Variants in CALN1 observed in about 807,000 individuals in gnomAD.
CALN1 encodes calcium-binding protein 8.
In CALN1, 17 loss-of-function variants were observed where a neutral mutation model predicts 30.6. The observed-to-expected ratio is 0.56, with a 90% CI of 0.38 to 0.83. The LOEUF (loss-of-function observed/expected upper bound fraction) is 0.83, where lower values mean the gene tolerates loss of function less well. Among genes scored for constraint, CALN1 ranks in the 40% least tolerant of loss-of-function variants. CALN1 has a pLI of 0.00. For missense variants in CALN1, 291 were observed against 354.9 expected (o/e 0.82, Z 1.45); for synonymous variants, 156 against 131.4 (o/e 1.19, Z -1.28).
At chr7:72,036,784 T>C (rs897799408) in intron 4 of CALN1, among the ~76,000 whole-genome samples, 3 of 152,140 alleles carry the variant, frequency 2.0e-5, no homozygotes, top group African/African-American at 7.2e-5. Context: ...TATCAGGTCT[T>C]TTTCAGGAAC....
At chr7:72,148,091 T>TAAAAA (rs1042994402) in intron 3 of CALN1, among the ~76,000 whole-genome samples, 1 of 58,796 alleles carries the variant, frequency 1.7e-5, no homozygotes, top group Non-Finnish European at 3.3e-5. Flanking sequence ...TAAAGTATAA[T>TAAAAA]AAAAAAAAAT....
intron 2 of CALN1, among the ~76,000 whole-genome samples, chr7:72,366,835 A>AC (rs989875946): frequency 1.2e-4 from 19 of 152,024 alleles, no homozygotes; most frequent in African/African-American, 4.6e-4. Flanking sequence ...CCAACAAAAA[A>AC]AAAGGTGTTG....
At chr7:72,357,547 A>G (rs911605295) in intron 2 of CALN1, among the ~76,000 whole-genome samples, 4 of 151,900 alleles carry the variant, frequency 2.6e-5, no homozygotes, top group African/African-American at 9.7e-5. Flanking sequence ...TGATCTTACC[A>G]TGAGCATCAT....
chr7:72,284,825 A>G (rs2129554451), intron 2 of CALN1, among the ~76,000 whole-genome samples: 1 of 151,888 alleles, frequency 6.6e-6, no homozygotes, highest in African/African-American at 2.4e-5. Flanking sequence ...GATTAAGGAT[A>G]GATAGATAGA....
intron 3 of CALN1, among the ~76,000 whole-genome samples, chr7:72,248,970 T>G (rs1269980352): frequency 2.0e-5 from 3 of 152,136 alleles, no homozygotes; most frequent in Non-Finnish European, 4.4e-5. Context: ...TTAAAAGAAG[T>G]ATTTTTAATC....
chr7:72,021,396 C>A (rs1309788794), intron 5 of CALN1, among the ~76,000 whole-genome samples: 2 of 152,154 alleles, frequency 1.3e-5, no homozygotes, highest in African/African-American at 4.8e-5. Context: ...GAGTGGACCT[C>A]CATGGGTCAA....
chr7:72,121,542 C>T (rs527346359), intron 3 of CALN1, among the ~76,000 whole-genome samples: 1 of 148,278 alleles, frequency 6.7e-6, no homozygotes, highest in Non-Finnish European at 1.5e-5. Context: ...TCAGCTTCCT[C>T]CTGGACTCTG....
At chr7:72,317,953 T>C (rs1032553660) in intron 2 of CALN1, among the ~76,000 whole-genome samples, 5 of 152,194 alleles carry the variant, frequency 3.3e-5, no homozygotes, top group Admixed American at 6.5e-5. Flanking sequence ...TATTTCACTC[T>C]GTGCAATAGA....
chr7:72,327,776 A>G (rs1237372675), intron 2 of CALN1, among the ~76,000 whole-genome samples: 1 of 152,226 alleles, frequency 6.6e-6, no homozygotes, highest in Non-Finnish European at 1.5e-5. Context: ...CATAAGTATA[A>G]ATTATGCTTT....
At chr7:72,079,766 T>TC (rs1234404482) in intron 4 of CALN1, among the ~76,000 whole-genome samples, 7 of 52,712 alleles carry the variant, frequency 1.3e-4, no homozygotes, top group African/African-American at 4.1e-4. Flanking sequence ...TTTTCCTTTT[T>TC]TTTTTTTTTT....
chr7:71,884,644 A>T (rs1792790669), intron 5 of CALN1, among the ~76,000 whole-genome samples: 1 of 152,098 alleles, frequency 6.6e-6, no homozygotes, highest in Admixed American at 6.5e-5. Flanking sequence ...GGGTCTGGGG[A>T]TTCATGCCCT....
chr7:72,247,012 C>G (rs887766455), intron 3 of CALN1, among the ~76,000 whole-genome samples: 1 of 152,016 alleles, frequency 6.6e-6, no homozygotes, highest in African/African-American at 2.4e-5. Flanking sequence ...CCTCGGCCTC[C>G]CGAAGTGCTG....
intron 3 of CALN1, among the ~76,000 whole-genome samples, chr7:72,160,390 T>C (rs1788017970): frequency 6.6e-6 from 1 of 151,966 alleles, no homozygotes; most frequent in African/African-American, 2.4e-5. Flanking sequence ...GCGATGCCCC[T>C]GCCTCAGCCA....
rs187510439 is a variant in CALN1, at chr7:72,205,279, C to T, written c.244+73407G>A. ...GTGCAGTAGTGTGATCTCAGCTCAC[C>T]GCAACCTCCGCCTCCCAGGCTCAAG... On this transcript the variant is annotated intron_variant, in intron 3 of 6. Coordinates refer to ENST00000395275, the MANE Select transcript of CALN1 (RefSeq NM_031468.4). Among the ~76,000 whole-genome samples, 15 of 151,442 alleles carry T rather than the reference C, an allele frequency of 9.9e-5. No homozygotes were observed. The East Asian group carries it at 2.4e-3, about 24-fold the overall frequency.
the CALN1 span, among the ~76,000 whole-genome samples, chr7:72,484,692 C>T: frequency 1.3e-5 from 2 of 152,154 alleles, no homozygotes; most frequent in African/African-American, 2.4e-5. Context: ...CCCAGAATGT[C>T]AGCTATCTCT....
At chr7:72,054,435 A>ATATATATACATATATATACACG (rs1563015348) in intron 4 of CALN1, among the ~76,000 whole-genome samples, 325 of 3,200 alleles carry the variant, frequency 0.1, 13 homozygotes, top group African/African-American at 0.17. Context: ...ATATACACGT[A>ATATATATACATATATATACACG]TATATATATA....
At chr7:71,906,238 T>G (rs1240963788) in intron 5 of CALN1, among the ~76,000 whole-genome samples, 7 of 152,174 alleles carry the variant, frequency 4.6e-5, no homozygotes, top group Admixed American at 4.6e-4. Flanking sequence ...TTCCTATAAA[T>G]GTGAGACATT....
intron 2 of CALN1, among the ~76,000 whole-genome samples, chr7:72,322,262 G>C (rs889515927): frequency 1.3e-5 from 2 of 152,106 alleles, no homozygotes; most frequent in African/African-American, 4.8e-5. Flanking sequence ...GTTCACAATA[G>C]GCTTCCTATG....
At chr7:72,436,853 G>C (rs1808176640) in intron 1 of CALN1, among the ~76,000 whole-genome samples, 1 of 152,160 alleles carries the variant, frequency 6.6e-6, no homozygotes, top group African/African-American at 2.4e-5. Context: ...CAAAAAGTCT[G>C]TCTTGACAAA....
Sources: allele counts gnomAD v4.1 joint callset (sites outside exome capture counted in the v4.1 genomes callset), GRCh38; gene constraint gnomAD v4.1.1; transcripts MANE v1.5; gene names NCBI Gene and HGNC (gene_info 2026-07-23, HGNC 2026-07-21).